The following BZW1 variants were observed in gnomAD, a reference collection of about 807,000 sequenced individuals.
BZW1 encodes eIF5-mimic protein 2.
BZW1 carries 3 observed loss-of-function variants against 54.1 expected under a neutral mutation model. The observed-to-expected ratio is 0.06, with a 90% CI of 0.03 to 0.14. BZW1 has a LOEUF of 0.14. Ranked by LOEUF, BZW1 falls within the 10% of genes least tolerant of loss-of-function variation. The pLI, the probability that BZW1 is intolerant of heterozygous loss-of-function variation, is 1.00. For missense variants in BZW1, 206 were observed against 491.7 expected (o/e 0.42, Z 5.50); for synonymous variants, 152 against 162.7 (o/e 0.93, Z 0.50).
Position 200,813,631 on chromosome 2 carries a change from C to G in BZW1, c.64+350C>G, listed in dbSNP as rs187774460. On this transcript the variant is annotated intron_variant, in intron 2 of 11. Transcript: ENST00000409600. ...AAAATGTTAATTTATAAAAGGAGAA[C>G]TCCTAATGTAGTCACCCAGATTTTG... Among the ~76,000 whole-genome samples the G allele has an allele frequency of 3.3e-3, 498 of 152,294 alleles. 2 individuals are homozygous for G. Among genetic ancestry groups the G allele is most frequent in the Non-Finnish European group, 6.2e-3 (424 of 68,022 alleles).
At position 200,818,530 on chromosome 2, in the gene BZW1, T is replaced by C. The variant is rs2038377166; in HGVS notation, c.819+137T>C. On this transcript the variant is annotated intron_variant, in intron 8 of 11. Coordinates refer to ENST00000409600, the MANE Select transcript of BZW1 (RefSeq NM_001207067.2). Reference sequence around the variant, plus strand: ...GTTATACTGGAACTTTGCCTCATTCTTTTGCATATGCTTCTTCAGTGCCTG... The same window carrying C: ...GTTATACTGGAACTTTGCCTCATTCCTTTGCATATGCTTCTTCAGTGCCTG... 12 of 1,148,588 alleles carry C rather than the reference T, an allele frequency of 1.0e-5. No individual in the cohort carries two copies. In the South Asian group the frequency reaches 1.9e-4, roughly 18 times the overall value. The allele number at this position is 1,148,588 out of a possible 1,614,324, so 71.1% of individuals were successfully genotyped here.
chr2:200,816,999 A>C (rs912131800), intron 5 of BZW1, 107 bp from the exon 6 acceptor site: 33 of 1,335,178 alleles, frequency 2.5e-5, no homozygotes, highest in Non-Finnish European at 3.1e-5. Flanking sequence ...GGATGGTTAG[A>C]TCCCAGAGCC....
At position 200,817,093 on chromosome 2, in the gene BZW1, T is replaced by C; in HGVS notation, c.403-13T>C. 3 of 1,612,858 alleles carry C rather than the reference T, an allele frequency of 1.9e-6. No individual in the cohort carries two copies. The highest frequency in any genetic ancestry group is 4.5e-5 in the East Asian group (2 of 44,864). ...GTTGCTGTTTTAACCCTTAATTGTTTTACTTTTTACAGCTGCTGCTGTTCT... is the reference window on the plus strand; with the variant it reads ...GTTGCTGTTTTAACCCTTAATTGTTCTACTTTTTACAGCTGCTGCTGTTCT... On this transcript the variant is annotated splice_polypyrimidine_tract_variant and intron_variant, in intron 5 of 11. Transcript: ENST00000409600.
chr2:200,821,661 A>G (rs971523531), intron 11 of BZW1, among the ~76,000 whole-genome samples: 1 of 152,066 alleles, frequency 6.6e-6, no homozygotes, highest in Non-Finnish European at 1.5e-5. Context: ...AGCCTCACAA[A>G]GTACAGGGAT....
chr2:200,813,335 T>A (rs1397304536), intron 2 of BZW1, 54 bp downstream of exon 2: 4 of 1,475,122 alleles, frequency 2.7e-6, no homozygotes, highest in Non-Finnish European at 3.8e-6. Context: ...ATCTTGTGTA[T>A]CTTGCCTTCT....
intron 1 of BZW1, chr2:200,812,476 GC>G: frequency 7.5e-7 from 1 of 1,332,614 alleles, no homozygotes; most frequent in Non-Finnish European, 9.6e-7. Flanking sequence ...TGCGGCGGCC[GC>G]CACCGCAGGC....
chr2:200,820,722 T>A (rs539385925), intron 10 of BZW1, among the ~76,000 whole-genome samples: 12 of 152,050 alleles, frequency 7.9e-5, no homozygotes, highest in Non-Finnish European at 1.8e-4. Context: ...CCAGACAGTC[T>A]GTAGTCTTAG....
rs895261634 is a variant in BZW1 at position 200,824,440 on chromosome 2, G to A, written c.*2262G>A. 4.6e-5 allele frequency: 7 copies of A among 151,530 alleles called. No individual in the cohort carries two copies. Among genetic ancestry groups the A allele is most frequent in the African/African-American group, 1.7e-4 (7 of 41,238 alleles). The allele number at this position is 151,530 out of a possible 1,614,324, so 9.4% of individuals were successfully genotyped here. A position where few individuals can be genotyped will look rare whatever the true frequency, so the allele number is the denominator to read the frequency against. ...AGAAACTAAATGAGTTTTTAGAGCT[G>A]GTTGTAAGTTTCTTAGCCTTACTCT... On this transcript the variant is annotated 3_prime_UTR_variant, in exon 12 of 12. Coordinates refer to ENST00000409600, the MANE Select transcript of BZW1 (RefSeq NM_001207067.2).
chr2:200,824,473 A>T lies in BZW1; in HGVS notation c.*2295A>T, dbSNP rs1242679908. 6.6e-6 allele frequency: 1 copy of T among 151,934 alleles called. No homozygotes were observed. Among genetic ancestry groups the T allele is most frequent in the Non-Finnish European group, 1.5e-5 (1 of 67,978 alleles). The allele number at this position is 151,934 out of a possible 1,614,324, so 9.4% of individuals were successfully genotyped here. On this transcript the variant is annotated 3_prime_UTR_variant, in exon 12 of 12. Coordinates refer to ENST00000409600, the MANE Select transcript of BZW1 (RefSeq NM_001207067.2). Reference sequence around the variant, plus strand: ...GTTTCTTAGCCTTACTCTGTGAGTTATAGATGTTATTTCATTCTATATATA... The same window carrying T: ...GTTTCTTAGCCTTACTCTGTGAGTTTTAGATGTTATTTCATTCTATATATA...
At chr2:200,813,746 TTAG>T (rs1386656568) in intron 2 of BZW1, among the ~76,000 whole-genome samples, 3 of 152,310 alleles carry the variant, frequency 2.0e-5, no homozygotes, top group Non-Finnish European at 2.9e-5. Flanking sequence ...AAATACAGAC[TTAG>T]TAGAAAAAGT....
intron 9 of BZW1, 53 bp from the exon 10 acceptor site, chr2:200,819,929 A>G: frequency 4.9e-6 from 7 of 1,422,312 alleles, no homozygotes; most frequent in Non-Finnish European, 5.6e-6. Context: ...GAGTTTTGTA[A>G]TGGATGGTTA....
In BZW1 at chr2:200,825,292, TC is replaced by T. The variant is rs1308614824; in HGVS notation, c.*3115del. ...TCAGGCTGGTCTCAAACTCCTGACC[TC>T]GTGGTCTGCCTGCCTTGGCCTCCCA... On this transcript the variant is annotated 3_prime_UTR_variant, in exon 12 of 12. Coordinates refer to ENST00000409600, the MANE Select transcript of BZW1 (RefSeq NM_001207067.2). The T allele has an allele frequency of 1.5e-4, 4 of 27,134 alleles. No individual in the cohort carries two copies. The highest frequency in any genetic ancestry group is 7.8e-4 in the Admixed American group (2 of 2,568). The allele number at this position is 27,134 out of a possible 1,614,324, so 1.7% of individuals were successfully genotyped here.
intron 8 of BZW1, 46 bp from the exon 9 acceptor site, chr2:200,818,709 C>T: frequency 1.3e-6 from 2 of 1,555,250 alleles, no homozygotes; most frequent in African/African-American, 2.8e-5. Context: ...GAAGTATGTA[C>T]ATAATCAAAA....
chr2:200,812,004 C>T lies in BZW1; in HGVS notation c.-11+14C>T, dbSNP rs1023719573. ...GCCTTAAATTCGGTGAGACGCGGCG[C>T]CCCGCTCACCCCGGGCGGACGCTGC... On this transcript the variant is annotated intron_variant, in intron 1 of 11. Transcript: ENST00000409600. 7 of 379,712 alleles carry T rather than the reference C, an allele frequency of 1.8e-5. No individual in the cohort carries two copies. Among genetic ancestry groups the T allele is most frequent in the African/African-American group, 1.5e-4 (7 of 47,908 alleles). The allele number at this position is 379,712 out of a possible 1,614,324, so 23.5% of individuals were successfully genotyped here. A position where few individuals can be genotyped will look rare whatever the true frequency, so the allele number is the denominator to read the frequency against.
intron 5 of BZW1, 55 bp from the exon 6 acceptor site, chr2:200,817,048 GCTT>G (rs1282063692): frequency 7.0e-6 from 11 of 1,575,896 alleles, no homozygotes; most frequent in Non-Finnish European, 8.6e-6. Flanking sequence ...ATGCTTTACT[GCTT>G]CTCTTATTGT....
At chr2:200,812,519 C>A in intron 1 of BZW1, 2 of 1,385,584 alleles carry the variant, frequency 1.4e-6, no homozygotes, top group South Asian at 3.4e-5. Context: ...GCCGCGGGAC[C>A]CTACGGCGCC....
chr2:200,815,334 C>T lies in BZW1; in HGVS notation c.65-7C>T. 1.3e-6 allele frequency: 2 copies of T among 1,583,640 alleles called. No individual in the cohort carries two copies. Among genetic ancestry groups the T allele is most frequent in the Non-Finnish European group, 1.7e-6 (2 of 1,163,578 alleles). Reference sequence around the variant, plus strand: ...AACTAAATGTTTTGGGTCCCTTGTCCCCCCAGATGAAAAAGAGAGGTTTGA... The same window carrying T: ...AACTAAATGTTTTGGGTCCCTTGTCTCCCCAGATGAAAAAGAGAGGTTTGA... On this transcript the variant is annotated splice_polypyrimidine_tract_variant and splice_region_variant and intron_variant, in intron 2 of 11. Coordinates refer to ENST00000409600, the MANE Select transcript of BZW1 (RefSeq NM_001207067.2).
At chr2:200,814,572 C>T (rs2038218678) in intron 2 of BZW1, among the ~76,000 whole-genome samples, 1 of 152,156 alleles carries the variant, frequency 6.6e-6, no homozygotes, top group South Asian at 2.1e-4. Flanking sequence ...TGGGAGCTTT[C>T]TATTTTATTA....
intron 6 of BZW1, 140 bp from the exon 7 acceptor site, chr2:200,817,834 G>A (rs972343964): frequency 5.1e-6 from 3 of 591,110 alleles, no homozygotes; most frequent in African/African-American, 3.7e-5. Flanking sequence ...ATAAACTGTG[G>A]CCCAGGAAAG....
Sources: gnomAD v4.1 joint callset for allele counts (sites outside exome capture counted in the v4.1 genomes callset) on GRCh38, gnomAD v4.1.1 for gene constraint, MANE v1.5 for transcripts, NCBI Gene and HGNC (gene_info 2026-07-23, HGNC 2026-07-21) for gene names.